Variants in AKNA observed in about 807,000 individuals in gnomAD.
AKNA encodes the protein AT-hook transcription factor.
Under a neutral mutation model 138.8 loss-of-function variants are expected in AKNA, and 67 were observed. The observed-to-expected ratio is 0.48, with a 90% CI of 0.40 to 0.59. The LOEUF (loss-of-function observed/expected upper bound fraction) is 0.59. Ranked by LOEUF, AKNA falls within the 20% of genes least tolerant of loss-of-function variation. AKNA has a pLI of 0.00. For missense variants in AKNA, 1,813 were observed against 1,880.4 expected, an observed-to-expected ratio of 0.96 and a Z score of 0.66; for synonymous variants, 737 against 754.4, an observed-to-expected ratio of 0.98 and a Z score of 0.38.
At chr9:114,346,851 G>C in intron 16 of AKNA, 67 bp from the exon 17 acceptor site, 2 of 1,362,038 alleles carry the variant, frequency 1.5e-6, no homozygotes, top group Non-Finnish European at 2.1e-6. Context: ...GGTTATTTGT[G>C]AGAAGTTCAA....
chr9:114,376,733 G>C lies in AKNA; in HGVS notation c.1074C>G (p.Leu358=). The C allele has an allele frequency of 6.2e-7, 1 of 1,612,876 alleles. No homozygotes were observed. The stretch of plus-strand genomic sequence containing the variant: ...GGGGCCCTACCTTGGAGAAATCAGG[G>C]AGTGGGTAGTTCAACTGCCCCCGGC... The part of the protein sequence containing the change: ...KYGRGQLNYP[L]PDFSKVGPRV... Residue 358 remains leucine (L), a synonymous_variant, in exon 3 of 22, where the codon CTC becomes CTG. Transcript: ENST00000374088.
At chr9:114,377,664 G>T (rs1272260872) in intron 2 of AKNA, 132 bp from the exon 3 acceptor site, 2 of 955,346 alleles carry the variant, frequency 2.1e-6, no homozygotes, top group Non-Finnish European at 3.0e-6. Context: ...CCAAGGTGGT[G>T]GTAGACTTAG....
At chr9:114,387,682 A>G (rs1834137081) in intron 1 of AKNA, among the ~76,000 whole-genome samples, 178 bp downstream of exon 1, 1 of 152,010 alleles carries the variant, frequency 6.6e-6, no homozygotes, top group African/African-American at 2.4e-5. Context: ...TCCTCCTTAA[A>G]TCCACCCTTG....
downstream of AKNA, among the ~76,000 whole-genome samples, chr9:114,331,027 G>A (rs1829842465): frequency 6.6e-6 from 1 of 152,018 alleles, no homozygotes; most frequent in Admixed American, 6.5e-5. Context: ...AGAAGACACT[G>A]AGAGAATTAG....
intron 21 of AKNA, among the ~76,000 whole-genome samples, chr9:114,340,265 C>T (rs868192766): frequency 6.6e-6 from 1 of 152,310 alleles, no homozygotes; most frequent in Middle Eastern, 3.4e-3. Context: ...GGCAACACAG[C>T]CACTGAAGAC....
In AKNA at chr9:114,387,825, G is replaced by C. The variant is rs577346319; in HGVS notation, c.-114+35C>G. On this transcript the variant is annotated intron_variant, in intron 1 of 21. Transcript: ENST00000374088. ...TGACTGGCCCGTCCAGAAGGAAAGC[G>C]GCCTCCCGGGCCCTCCTCCGTTCCA... The C allele has an allele frequency of 6.9e-4, 297 of 427,428 alleles. 1 individual carries two copies. Among genetic ancestry groups the C allele is most frequent in the Admixed American group, 1.8e-3 (74 of 40,686 alleles). 26.5% of individuals were successfully genotyped at this position (427,428 alleles called of 1,614,324 possible). A position where few individuals can be genotyped will look rare whatever the true frequency, so the allele number is the denominator to read the frequency against.
At position 114,341,577 on chromosome 9, in the gene AKNA, G is replaced by A. The variant is rs199547799; in HGVS notation, c.4023C>T (p.Ala1341=). The change falls in exon 21 of 22, where the codon GCC becomes GCT. Residue 1341 remains alanine (A), a synonymous_variant. Coordinates refer to ENST00000374088, the MANE Select transcript of AKNA (RefSeq NM_001317950.2). The part of the protein sequence containing the change: ...APPAPAPPAF[A]YISSVPIMPY... ...GCATGATGGGAACCGAGGAGATGTA[G>A]GCAAAGGCTGGAGGGGCTGGTGCTG... 49 of 1,614,140 alleles carry A rather than the reference G, an allele frequency of 3.0e-5. No homozygotes were observed. In the East Asian group the frequency reaches 1.0e-3, roughly 33 times the overall value.
chr9:114,357,516 TG>T (rs1831585276), intron 12 of AKNA, among the ~76,000 whole-genome samples: 1 of 30,970 alleles, frequency 3.2e-5, no homozygotes, highest in Non-Finnish European at 6.6e-5. Context: ...ACTACAGAAG[TG>T]TGTGTGTGTG....
At chr9:114,385,270 T>C (rs1036358271) in intron 1 of AKNA, among the ~76,000 whole-genome samples, 1 of 152,202 alleles carries the variant, frequency 6.6e-6, no homozygotes, top group Non-Finnish European at 1.5e-5. Context: ...TTAAGAATCC[T>C]CTAAGCGTGC....
intron 13 of AKNA, among the ~76,000 whole-genome samples, chr9:114,356,650 T>C (rs1247839748): frequency 6.6e-6 from 1 of 152,230 alleles, no homozygotes; most frequent in African/African-American, 2.4e-5. Flanking sequence ...TGTCGCTAAT[T>C]AGCTATGTGA....
At chr9:114,350,007 G>A (rs1211885176) in intron 15 of AKNA, among the ~76,000 whole-genome samples, 2 of 152,124 alleles carry the variant, frequency 1.3e-5, no homozygotes, top group East Asian at 3.8e-4. Context: ...TGCCATCATG[G>A]TATTTATCAC....
chr9:114,330,563 G>C, downstream of AKNA: 1 of 1,612,932 alleles, frequency 6.2e-7, no homozygotes, highest in Non-Finnish European at 8.5e-7. Flanking sequence ...CTTTCTCAGA[G>C]AGTACCAGAC....
intron 5 of AKNA, among the ~76,000 whole-genome samples, chr9:114,367,994 C>G (rs1186441504): frequency 2.6e-5 from 4 of 152,244 alleles, no homozygotes; most frequent in Non-Finnish European, 5.9e-5. Flanking sequence ...GAGTTCCAAT[C>G]CAGACACTTC....
At chr9:114,343,447 T>G (rs925390555) in intron 19 of AKNA, among the ~76,000 whole-genome samples, 1 of 152,198 alleles carries the variant, frequency 6.6e-6, no homozygotes. Context: ...TAATCACTGA[T>G]GCCAGGTCCC....
At chr9:114,330,678 C>T (rs1181121537), downstream of AKNA, 59 of 1,600,166 alleles carry the variant, frequency 3.7e-5, 1 homozygote, top group South Asian at 2.0e-4. Context: ...TGGGTGGAAC[C>T]GGGAGGGTTG....
intron 1 of AKNA, among the ~76,000 whole-genome samples, chr9:114,393,627 T>C (rs1473937688): frequency 6.6e-6 from 1 of 152,032 alleles, no homozygotes; most frequent in Non-Finnish European, 1.5e-5. Context: ...TGAAAGAAAT[T>C]GTGATAGTTC....
intron 15 of AKNA, chr9:114,349,036 T>C: frequency 2.2e-6 from 1 of 449,836 alleles, no homozygotes; most frequent in East Asian, 7.0e-5. Flanking sequence ...TGGGTTCCCT[T>C]GGTAATCCCC....
rs564725611 is a variant in AKNA, at chr9:114,376,032, C to T, written c.1341+434G>A. 28 of 450,706 alleles carry T rather than the reference C, an allele frequency of 6.2e-5. No individual in the cohort carries two copies. The East Asian group carries it at 2.0e-3, about 32-fold the overall frequency. The allele number at this position is 450,706 out of a possible 1,614,324, so 27.9% of individuals were successfully genotyped here. A position where few individuals can be genotyped will look rare whatever the true frequency, so the allele number is the denominator to read the frequency against. On this transcript the variant is annotated intron_variant, in intron 3 of 21. Coordinates refer to ENST00000374088, the MANE Select transcript of AKNA (RefSeq NM_001317950.2). Reference sequence around the variant, plus strand: ...CCTCCCCACCCCACCAGCCTCTATCCCAGGGCTCTCCACCTCAGCCAGCCT... The same window carrying T: ...CCTCCCCACCCCACCAGCCTCTATCTCAGGGCTCTCCACCTCAGCCAGCCT...
intron 2 of AKNA, among the ~76,000 whole-genome samples, chr9:114,379,026 A>G (rs1833446168): frequency 6.6e-6 from 1 of 152,194 alleles, no homozygotes; most frequent in Non-Finnish European, 1.5e-5. Context: ...TCTTGCTTAC[A>G]GCAGCATACT....
Sources: gnomAD v4.1 joint callset for allele counts (sites outside exome capture counted in the v4.1 genomes callset) on GRCh38, gnomAD v4.1.1 for gene constraint, MANE v1.5 for transcripts, NCBI Gene and HGNC (gene_info 2026-07-23, HGNC 2026-07-21) for gene names.